Variants in GPHN observed in about 807,000 individuals in gnomAD.
GPHN encodes the protein gephyrin.
In GPHN, 17 loss-of-function variants were observed where a neutral mutation model predicts 95.5. The ratio of observed to expected loss-of-function variants is 0.18; its 90% confidence interval spans 0.12 to 0.27. The LOEUF is 0.27. Ranked by LOEUF, GPHN falls within the 10% of genes least tolerant of loss-of-function variation. The pLI is 1.00. For missense variants in GPHN, 660 were observed against 978.1 expected, an observed-to-expected ratio of 0.67 and a Z score of 4.34; for synonymous variants, 320 against 322.5, an observed-to-expected ratio of 0.99 and a Z score of 0.08.
the GPHN span, among the ~76,000 whole-genome samples, chr14:67,256,569 A>G: frequency 1.3e-5 from 2 of 152,048 alleles, no homozygotes; most frequent in South Asian, 4.1e-4. Context: ...GTTTTTTGAG[A>G]TGGAGTCTCG....
At chr14:67,032,130 G>T (rs996363454) in intron 10 of GPHN, among the ~76,000 whole-genome samples, 21 of 152,186 alleles carry the variant, frequency 1.4e-4, no homozygotes, top group African/African-American at 4.8e-4. Context: ...CTCCAAGTCA[G>T]CATAGCTTAG....
chr14:66,535,438 G>C (rs2059109101), intron 1 of GPHN, among the ~76,000 whole-genome samples: 1 of 151,462 alleles, frequency 6.6e-6, no homozygotes. Context: ...TTTTTTTTGT[G>C]GTGGGTATAC....
intron 19 of GPHN, among the ~76,000 whole-genome samples, chr14:67,164,199 C>CG (rs2082132195): frequency 8.4e-6 from 1 of 119,744 alleles, no homozygotes; most frequent in South Asian, 3.0e-4. Flanking sequence ...ACCCGGGAGG[C>CG]GGGGGTTGCC....
At chr14:67,367,846 A>G in the GPHN span, among the ~76,000 whole-genome samples, 6 of 152,086 alleles carry the variant, frequency 3.9e-5, no homozygotes, top group African/African-American at 7.2e-5. Flanking sequence ...AAAAAAAAAA[A>G]AGAGAGAGGT....
At chr14:67,511,462 T>C in the GPHN span, among the ~76,000 whole-genome samples, 1 of 151,810 alleles carries the variant, frequency 6.6e-6, no homozygotes, top group Non-Finnish European at 1.5e-5. Context: ...ATTTCAAAGA[T>C]GCTGTCTCTT....
the GPHN span, among the ~76,000 whole-genome samples, chr14:67,482,260 A>G: frequency 5.9e-5 from 9 of 152,206 alleles, no homozygotes; most frequent in Admixed American, 2.6e-4. Context: ...GGCAGGGGAC[A>G]TGGCCAGCAG....
chr14:67,362,976 T>G, the GPHN span, among the ~76,000 whole-genome samples: 1 of 152,196 alleles, frequency 6.6e-6, no homozygotes, highest in Non-Finnish European at 1.5e-5. Context: ...CAGGATTCTC[T>G]TACATGATTG....
At chr14:66,816,018 C>T (rs572987051) in intron 3 of GPHN, among the ~76,000 whole-genome samples, 14 of 152,010 alleles carry the variant, frequency 9.2e-5, no homozygotes, top group South Asian at 2.1e-4. Context: ...TTCTACTTTC[C>T]GACAAAACAG....
the GPHN span, among the ~76,000 whole-genome samples, chr14:67,432,084 G>T: frequency 2.0e-5 from 3 of 152,256 alleles, no homozygotes; most frequent in South Asian, 4.1e-4. Flanking sequence ...CTGCCCCACA[G>T]GCAGCCACTA....
chr14:67,336,457 G>A, the GPHN span: 1 of 258,512 alleles, frequency 3.9e-6, no homozygotes, highest in Non-Finnish European at 7.7e-6. Context: ...ATTTTAACAA[G>A]GCCAATACAT....
chr14:66,749,539 A>G (rs948083727), intron 2 of GPHN, among the ~76,000 whole-genome samples: 2 of 152,036 alleles, frequency 1.3e-5, no homozygotes, highest in Middle Eastern at 6.8e-3. Flanking sequence ...GAACATTCTA[A>G]TAGGCTTATA....
chr14:66,545,920 A>G (rs1594903652), intron 1 of GPHN, among the ~76,000 whole-genome samples: 1 of 134,416 alleles, frequency 7.4e-6, no homozygotes, highest in Middle Eastern at 4.2e-3. Flanking sequence ...GGTGACCTCC[A>G]CCTCCTTCCT....
intron 9 of GPHN, among the ~76,000 whole-genome samples, chr14:66,992,304 A>AAGGAATATGACAATT (rs1254508704): frequency 6.6e-6 from 1 of 152,174 alleles, no homozygotes; most frequent in Non-Finnish European, 1.5e-5. Flanking sequence ...GATGAAATGG[A>AAGGAATATGACAATT]AGGAATATGA....
At chr14:66,763,120 G>T (rs1595823236) in intron 2 of GPHN, among the ~76,000 whole-genome samples, 1 of 151,528 alleles carries the variant, frequency 6.6e-6, no homozygotes, top group East Asian at 1.9e-4. Context: ...CACATCCATG[G>T]GCTCCACATC....
chr14:67,580,867 C>T, the GPHN span: 1 of 989,304 alleles, frequency 1.0e-6, no homozygotes, highest in Non-Finnish European at 1.6e-6. Flanking sequence ...CTGAGTCCAG[C>T]CCTGGCTGGA....
chr14:67,478,150 C>T, the GPHN span, among the ~76,000 whole-genome samples: 1 of 152,244 alleles, frequency 6.6e-6, no homozygotes, highest in African/African-American at 2.4e-5. Context: ...AGCGTAGCTC[C>T]ACTCCACCTG....
At chr14:67,280,792 T>TTTCCTTCC in the GPHN span, among the ~76,000 whole-genome samples, 3,291 of 77,592 alleles carry the variant, frequency 0.042, 272 homozygotes, top group Non-Finnish European at 0.065. Context: ...TCTGGAGCAG[T>TTTCCTTCC]TTCCTTCCTT....
intron 2 of GPHN, among the ~76,000 whole-genome samples, chr14:66,695,997 C>G (rs1342196577): frequency 6.6e-6 from 1 of 152,134 alleles, no homozygotes; most frequent in East Asian, 1.9e-4. Context: ...CTAATGTAAA[C>G]TGTGGACTTT....
chr14:67,698,876 AAAAC>A, the GPHN span, among the ~76,000 whole-genome samples: 3 of 152,342 alleles, frequency 2.0e-5, no homozygotes, highest in East Asian at 3.9e-4. Context: ...TTTATTTACA[AAAAC>A]AAACAGTGGG....
Sources: gnomAD v4.1 joint callset for allele counts (sites outside exome capture counted in the v4.1 genomes callset) on GRCh38, gnomAD v4.1.1 for gene constraint, MANE v1.5 for transcripts, NCBI Gene and HGNC (gene_info 2026-07-23, HGNC 2026-07-21) for gene names.